The following AFF3 variants were observed in gnomAD, a reference collection of about 807,000 sequenced individuals.
AFF3 encodes ALF transcription elongation factor 3.
A neutral mutation model predicts 129.7 loss-of-function variants in AFF3; 32 were observed. The observed-to-expected ratio is 0.25, with a 90% confidence interval of 0.19 to 0.33. The LOEUF is 0.33. Ranked by LOEUF, AFF3 falls within the 10% of genes least tolerant of loss-of-function variation. The pLI is 1.00. For missense variants in AFF3, 1,373 were observed against 1,592.0 expected (o/e 0.86, Z 2.34); for synonymous variants, 644 against 635.4 (o/e 1.01, Z -0.20).
intron 2 of AFF3, among the ~76,000 whole-genome samples, chr2:100,115,535 G>A (rs866529881): frequency 2.0e-5 from 3 of 152,322 alleles, no homozygotes; most frequent in Middle Eastern, 3.4e-3. Context: ...TCCAGCCTGG[G>A]TGACAGAGGG....
Position 99,560,346 on chromosome 2 carries a change from A to C in AFF3, c.3191+19T>G. 4 of 1,613,368 alleles carry C rather than the reference A, an allele frequency of 2.5e-6. No homozygotes were observed. Among genetic ancestry groups the C allele is most frequent in the Non-Finnish European group, 3.4e-6 (4 of 1,179,568 alleles). On this transcript the variant is annotated intron_variant, in intron 21 of 24. Transcript: ENST00000672756. ...ATGCGAGGCTGGGGCTGCTATTCTAAGCGGAGATGGGCACTCACCATAATG... is the reference window on the plus strand; with the variant it reads ...ATGCGAGGCTGGGGCTGCTATTCTACGCGGAGATGGGCACTCACCATAATG...
At chr2:100,120,251 CTG>C (rs1206936740) in intron 2 of AFF3, among the ~76,000 whole-genome samples, 1 of 152,174 alleles carries the variant, frequency 6.6e-6, no homozygotes, top group Non-Finnish European at 1.5e-5. Context: ...GGATCTCTGA[CTG>C]GACACATTCA....
intron 7 of AFF3, among the ~76,000 whole-genome samples, chr2:100,003,980 TA>T (rs72322086): frequency 0.22 from 32,363 of 144,546 alleles, 4,172 homozygotes; most frequent in African/African-American, 0.37. Flanking sequence ...CATCTTACAC[TA>T]AAAAAAAAAA....
At chr2:99,783,251 A>G (rs1250733106) in intron 8 of AFF3, among the ~76,000 whole-genome samples, 1 of 152,178 alleles carries the variant, frequency 6.6e-6, no homozygotes, top group East Asian at 1.9e-4. Context: ...GTCCCCTTTA[A>G]TATCCTCCTC....
chr2:99,785,747 AT>A (rs1222646343), intron 8 of AFF3, among the ~76,000 whole-genome samples: 2 of 152,138 alleles, frequency 1.3e-5, no homozygotes, highest in Admixed American at 6.5e-5. Context: ...CCTTTAAGTG[AT>A]TTTTTTATTT....
chr2:99,774,261 A>G (rs1276235412), intron 8 of AFF3, among the ~76,000 whole-genome samples: 1 of 152,234 alleles, frequency 6.6e-6, no homozygotes, highest in Non-Finnish European at 1.5e-5. Context: ...GAACCAAAAA[A>G]GAGCCCAAAT....
At chr2:99,962,410 T>C (rs2104338837) in intron 7 of AFF3, among the ~76,000 whole-genome samples, 1 of 152,210 alleles carries the variant, frequency 6.6e-6, no homozygotes, top group East Asian at 1.9e-4. Context: ...ACAACCTGAA[T>C]GGGAAAATAC....
intron 4 of AFF3, among the ~76,000 whole-genome samples, chr2:100,084,125 A>T (rs1300434713): frequency 6.6e-6 from 1 of 152,236 alleles, no homozygotes; most frequent in African/African-American, 2.4e-5. Context: ...GGATGGAAAT[A>T]GCTTAGAAAA....
intron 15 of AFF3, among the ~76,000 whole-genome samples, chr2:99,588,894 G>T (rs1038051895): frequency 6.6e-6 from 1 of 152,178 alleles, no homozygotes; most frequent in Non-Finnish European, 1.5e-5. Context: ...CACTTCTCTT[G>T]TGTCTGTGTT....
At chr2:100,130,266 C>T (rs1692371569) in intron 1 of AFF3, among the ~76,000 whole-genome samples, 1 of 152,146 alleles carries the variant, frequency 6.6e-6, no homozygotes, top group Non-Finnish European at 1.5e-5. Context: ...GTCATCCTTC[C>T]TAAAACTGAT....
intron 11 of AFF3, among the ~76,000 whole-genome samples, chr2:99,713,268 ATTTTTTTT>A (rs3073380): frequency 7.9e-6 from 1 of 126,274 alleles, no homozygotes; most frequent in Non-Finnish European, 1.7e-5. Context: ...GCCAGAGTTA[ATTTTTTTT>A]TTTTTTTTTT....
chr2:99,574,578 T>C (rs770503878), intron 18 of AFF3, among the ~76,000 whole-genome samples: 3 of 152,198 alleles, frequency 2.0e-5, no homozygotes, highest in Non-Finnish European at 2.9e-5. Flanking sequence ...GGAATGTAAT[T>C]TATAATTCAG....
intron 8 of AFF3, among the ~76,000 whole-genome samples, chr2:99,826,786 G>A (rs1688114037): frequency 6.6e-6 from 1 of 152,170 alleles, no homozygotes; most frequent in African/African-American, 2.4e-5. Flanking sequence ...GAACTCAGGG[G>A]AGAGCCACGA....
chr2:99,731,770 G>C (rs1679851162), intron 10 of AFF3, among the ~76,000 whole-genome samples: 1 of 152,186 alleles, frequency 6.6e-6, no homozygotes, highest in South Asian at 2.1e-4. Context: ...ATGTCACTAA[G>C]GTAGAATGAG....
chr2:99,732,666 T>C (rs559574469), intron 10 of AFF3, among the ~76,000 whole-genome samples: 2 of 152,218 alleles, frequency 1.3e-5, no homozygotes, highest in African/African-American at 4.8e-5. Context: ...ATTTAGATTT[T>C]TGCCATCATG....
At chr2:99,840,187 C>T (rs560996325) in intron 7 of AFF3, among the ~76,000 whole-genome samples, 18 of 152,226 alleles carry the variant, frequency 1.2e-4, no homozygotes, top group African/African-American at 2.6e-4. Flanking sequence ...CCAATTTACC[C>T]GTTTTTTTCT....
chr2:100,028,132 A>T (rs1684197820), intron 4 of AFF3, among the ~76,000 whole-genome samples: 1 of 152,220 alleles, frequency 6.6e-6, no homozygotes, highest in South Asian at 2.1e-4. Context: ...AATTAGTTGG[A>T]AAGGTAATAT....
intron 10 of AFF3, among the ~76,000 whole-genome samples, chr2:99,729,644 G>A (rs1366573462): frequency 1.3e-5 from 2 of 152,216 alleles, no homozygotes; most frequent in East Asian, 3.9e-4. Flanking sequence ...ATACACCACT[G>A]AGAATTATGG....
intron 7 of AFF3, among the ~76,000 whole-genome samples, chr2:99,998,709 C>T (rs1421937060): frequency 2.0e-5 from 3 of 152,072 alleles, no homozygotes; most frequent in Admixed American, 6.5e-5. Context: ...GCTCAGGAGA[C>T]ATACACGGCT....
Sources: allele counts gnomAD v4.1 joint callset (sites outside exome capture counted in the v4.1 genomes callset), GRCh38; gene constraint gnomAD v4.1.1; transcripts MANE v1.5; gene names NCBI Gene and HGNC (gene_info 2026-07-23, HGNC 2026-07-21).